The following NUB1 variants were observed in gnomAD, a reference collection of about 807,000 sequenced individuals.
The protein encoded by NUB1 is negative regulator of ubiquitin like proteins 1.
NUB1 carries 41 observed loss-of-function variants against 77.1 expected under a neutral mutation model. That is an observed-to-expected ratio of 0.53 (90% CI 0.41 to 0.69). The LOEUF is 0.69. Ranked by LOEUF, NUB1 falls within the 30% of genes least tolerant of loss-of-function variation. The pLI is 0.00. For missense variants in NUB1, 643 were observed against 743.8 expected (o/e 0.86, Z 1.58); for synonymous variants, 257 against 281.0 (o/e 0.91, Z 0.85).
At chr7:151,347,511 G>A (rs1370252809) in intron 2 of NUB1, among the ~76,000 whole-genome samples, 1 of 152,208 alleles carries the variant, frequency 6.6e-6, no homozygotes, top group African/African-American at 2.4e-5. Flanking sequence ...AGGCTGGAGT[G>A]CAATGGCATG....
At chr7:151,358,998 G>A (rs1288886027) in intron 7 of NUB1, among the ~76,000 whole-genome samples, 1 of 151,946 alleles carries the variant, frequency 6.6e-6, no homozygotes, top group Non-Finnish European at 1.5e-5. Flanking sequence ...TCGGGAGGCA[G>A]AGGTTGCAGT....
At chr7:151,353,559 G>C (rs547083374) in intron 5 of NUB1, among the ~76,000 whole-genome samples, 6 of 152,312 alleles carry the variant, frequency 3.9e-5, no homozygotes, top group Admixed American at 2.0e-4. Context: ...CAGCTGTTGG[G>C]AAACGAGAAA....
rs1375796858 is a variant in NUB1, at chr7:151,355,968, C to T, written c.598+18C>T. On this transcript the variant is annotated intron_variant, in intron 6 of 14. Coordinates refer to ENST00000568733, the MANE Select transcript of NUB1 (RefSeq NM_001243351.2). ...AAAGAGAGGTACCCAGAGCTCTGGG[C>T]TTGTCACCCACTCAGCTGCTTGGGG... 1.9e-6 allele frequency: 3 copies of T among 1,611,488 alleles called. No individual in the cohort carries two copies. The highest frequency in any genetic ancestry group is 2.5e-6 in the Non-Finnish European group (3 of 1,178,184).
intron 2 of NUB1, among the ~76,000 whole-genome samples, chr7:151,348,849 A>G (rs1280250252): frequency 6.6e-6 from 1 of 152,074 alleles, no homozygotes; most frequent in Non-Finnish European, 1.5e-5. Flanking sequence ...TGCTGGGATT[A>G]CAGGCATGAG....
chr7:151,348,786 G>A (rs919455301), intron 2 of NUB1, among the ~76,000 whole-genome samples: 3 of 151,866 alleles, frequency 2.0e-5, no homozygotes, highest in African/African-American at 7.3e-5. Context: ...TGTTGGCCAG[G>A]CTGGTCCCAA....
rs1302088560 is a variant in NUB1 at position 151,360,093 on chromosome 7, CTTA to C, written c.694-43_694-41del. On this transcript the variant is annotated intron_variant, in intron 7 of 14. Transcript: ENST00000568733. ...GTAATATGCTTTTAATATAATTTGC[CTTA>C]TTATATTTTAAAGTGATGTTTTTTA... 9 of 837,040 alleles carry C rather than the reference CTTA, an allele frequency of 1.1e-5. No individual in the cohort carries two copies. The African/African-American group carries it at 1.2e-4, about 11-fold the overall frequency. 51.9% of individuals were successfully genotyped at this position (837,040 alleles called of 1,614,324 possible). A position where few individuals can be genotyped will look rare whatever the true frequency, so the allele number is the denominator to read the frequency against.
chr7:151,357,835 C>A (rs1797156450), intron 7 of NUB1, among the ~76,000 whole-genome samples: 1 of 150,108 alleles, frequency 6.7e-6, no homozygotes, highest in South Asian at 2.1e-4. Flanking sequence ...TTCTTGAACT[C>A]CTGACCTCAG....
Position 151,376,816 on chromosome 7 carries a change from G to T in NUB1, c.1669+5G>T. Reference sequence around the variant, plus strand: ...CGTCCCCTTCTGACTCCGCAGGTAGGTCTGAGGTCTTTGAGGGCCGCATTG... The same window carrying T: ...CGTCCCCTTCTGACTCCGCAGGTAGTTCTGAGGTCTTTGAGGGCCGCATTG... On this transcript the variant is annotated splice_donor_5th_base_variant and intron_variant, in intron 14 of 14. Coordinates refer to ENST00000568733, the MANE Select transcript of NUB1 (RefSeq NM_001243351.2). 1 of 1,575,100 alleles carries T rather than the reference G, an allele frequency of 6.3e-7. No individual in the cohort carries two copies. Among genetic ancestry groups the T allele is most frequent in the Non-Finnish European group, 8.6e-7 (1 of 1,160,644 alleles).
chr7:151,377,344 AG>A lies in NUB1; in HGVS notation c.*124del. On this transcript the variant is annotated 3_prime_UTR_variant, in exon 15 of 15. Coordinates refer to ENST00000568733, the MANE Select transcript of NUB1 (RefSeq NM_001243351.2). ...ATTACAAGTCCTCTTTGGGTGTAGG[AG>A]GGGGTGGGCAGGGGACAAGTCCAGG... 1 of 345,288 alleles carries A rather than the reference AG, an allele frequency of 2.9e-6. No individual in the cohort carries two copies. Among genetic ancestry groups the A allele is most frequent in the Non-Finnish European group, 5.4e-6 (1 of 185,588 alleles). The allele number at this position is 345,288 out of a possible 1,614,324, so 21.4% of individuals were successfully genotyped here.
intron 9 of NUB1, 146 bp downstream of exon 9, chr7:151,367,271 T>G (rs1797735733): frequency 1.5e-6 from 1 of 655,486 alleles, no homozygotes; most frequent in Admixed American, 3.2e-5. Context: ...TATATATTTA[T>G]AAAGTGTTCA....
At chr7:151,343,096 T>C (rs1197337246) in intron 1 of NUB1, among the ~76,000 whole-genome samples, 6 of 152,234 alleles carry the variant, frequency 3.9e-5, no homozygotes, top group Admixed American at 1.3e-4. Flanking sequence ...TATTCAGAAT[T>C]TCTGAAGATT....
chr7:151,374,285 T>C, intron 12 of NUB1, 42 bp downstream of exon 12: 1 of 1,548,134 alleles, frequency 6.5e-7, no homozygotes, highest in Non-Finnish European at 8.7e-7. Context: ...CCCTGAGCAG[T>C]GGGTCCTGCC....
In NUB1 at chr7:151,377,087, G is replaced by C; in HGVS notation, c.1710G>C (p.Glu570Asp). 6.3e-7 allele frequency: 1 copy of C among 1,578,504 alleles called. No individual in the cohort carries two copies. The highest frequency in any genetic ancestry group is 8.6e-7 in the Non-Finnish European group (1 of 1,162,944). The stretch of plus-strand genomic sequence containing the variant: ...CAACAGACGAAGACATGGAGACAGA[G>C]GCCGTCAATGAGATACTGGAAGACA... ...SASTDEDMETEAVNEILEDIP... is the reference protein window; with the variant it reads ...SASTDEDMETDAVNEILEDIP... The change falls in exon 15 of 15, where the codon GAG becomes GAC. Residue 570 changes from glutamate (E) to aspartate (D), a missense_variant. Transcript: ENST00000568733.
In NUB1 at chr7:151,377,323, C is replaced by A; in HGVS notation, c.*98C>A. On this transcript the variant is annotated 3_prime_UTR_variant, in exon 15 of 15. Transcript: ENST00000568733. Reference sequence around the variant, plus strand: ...CTGTTCTTACTTTTTATCTGAATTACAAGTCCTCTTTGGGTGTAGGAGGGG... The same window carrying A: ...CTGTTCTTACTTTTTATCTGAATTAAAAGTCCTCTTTGGGTGTAGGAGGGG... The A allele has an allele frequency of 3.9e-5, 30 of 762,034 alleles. No individual in the cohort carries two copies. The highest frequency in any genetic ancestry group is 5.0e-5 in the Non-Finnish European group (25 of 500,796). The allele number at this position is 762,034 out of a possible 1,614,324, so 47.2% of individuals were successfully genotyped here. A position where few individuals can be genotyped will look rare whatever the true frequency, so the allele number is the denominator to read the frequency against.
chr7:151,351,863 A>G (rs10281126), intron 4 of NUB1, among the ~76,000 whole-genome samples: 2,290 of 152,004 alleles, frequency 0.015, 46 homozygotes, highest in African/African-American at 0.051. Context: ...ATAGCTTGCT[A>G]TGACCTTCAG....
chr7:151,363,800 C>T (rs563293211), intron 8 of NUB1, among the ~76,000 whole-genome samples: 4 of 152,012 alleles, frequency 2.6e-5, no homozygotes, highest in Admixed American at 6.6e-5. Flanking sequence ...TTTTTTCAGA[C>T]GGAGTCTCAC....
At position 151,349,150 on chromosome 7, in the gene NUB1, C is replaced by T; in HGVS notation, c.195C>T (p.Cys65=). ...EVEKVIEEIR[C]KAIERGTGND... ...AAAAGGTAATAGAAGAAATACGTTG[C>T]AAGGCAATTGAGCGTGGAACAGGAA... Residue 65 remains cysteine (C), a synonymous_variant, in exon 3 of 15, where the codon TGC becomes TGT. Coordinates refer to ENST00000568733, the MANE Select transcript of NUB1 (RefSeq NM_001243351.2). 1.2e-6 allele frequency: 2 copies of T among 1,613,208 alleles called. No homozygotes were observed. Among genetic ancestry groups the T allele is most frequent in the Non-Finnish European group, 1.7e-6 (2 of 1,179,658 alleles).
chr7:151,367,225 A>G lies in NUB1; in HGVS notation c.987+100A>G, dbSNP rs1462012473. The G allele has an allele frequency of 6.8e-6, 6 of 881,322 alleles. No individual in the cohort carries two copies. In the East Asian group the frequency reaches 1.5e-4, roughly 22 times the overall value. The allele number at this position is 881,322 out of a possible 1,614,324, so 54.6% of individuals were successfully genotyped here. A position where few individuals can be genotyped will look rare whatever the true frequency, so the allele number is the denominator to read the frequency against. On this transcript the variant is annotated intron_variant, in intron 9 of 14. Transcript: ENST00000568733. The stretch of plus-strand genomic sequence containing the variant: ...TGAACTACTGCCAGAAGGTAATTTC[A>G]TTTTGATAGTAGTATGCAGTATAGT...
chr7:151,343,041 A>G lies in NUB1; in HGVS notation c.-3+1195A>G, dbSNP rs556587795. Among the ~76,000 whole-genome samples the G allele has an allele frequency of 3.9e-5, 6 of 152,318 alleles. No individual in the cohort carries two copies. The East Asian group carries it at 1.2e-3, about 29-fold the overall frequency. On this transcript the variant is annotated intron_variant, in intron 1 of 14. Transcript: ENST00000568733. ...TTGGCTCCAGTAACCAGCCTGTGAA[A>G]TTACTGTCCCCCAGTGGGGAGACAG... is the stretch of plus-strand genomic sequence containing the variant.
Sources: allele counts gnomAD v4.1 joint callset (sites outside exome capture counted in the v4.1 genomes callset), GRCh38; gene constraint gnomAD v4.1.1; transcripts MANE v1.5; gene names NCBI Gene and HGNC (gene_info 2026-07-23, HGNC 2026-07-21).